The following DISC1 variants were observed in gnomAD, a reference collection of about 807,000 sequenced individuals.
The protein encoded by DISC1 is DISC1 scaffold protein, also known as disrupted in schizophrenia 1 protein.
DISC1 carries 57 observed loss-of-function variants against 84.5 expected under a neutral mutation model. The ratio of observed to expected loss-of-function variants is 0.67; its 90% CI spans 0.55 to 0.84. The LOEUF (loss-of-function observed/expected upper bound fraction) is 0.84, where lower values mean the gene tolerates loss of function less well. Ranked by LOEUF, DISC1 falls within the 40% of genes least tolerant of loss-of-function variation. The pLI is 0.00. For missense variants in DISC1, 1,000 were observed against 1,057.8 expected (o/e 0.95, Z 0.76); for synonymous variants, 411 against 415.2 (o/e 0.99, Z 0.12).
Position 231,801,835 on chromosome 1 carries a change from T to C in DISC1, c.1792+1625T>C, listed in dbSNP as rs931341663. Among the ~76,000 whole-genome samples, 14 of 152,078 alleles carry C rather than the reference T, an allele frequency of 9.2e-5. No homozygotes were observed. In the East Asian group the frequency reaches 2.3e-3, roughly 25 times the overall value. On this transcript the variant is annotated intron_variant, in intron 8 of 12. Transcript: ENST00000439617. ...AAAGGATCTTGGTTTTTTTTTTTTTTTGAGTCAGAGTCTCGTTCAGTCGCC... is the reference window on the plus strand; with the variant it reads ...AAAGGATCTTGGTTTTTTTTTTTTTCTGAGTCAGAGTCTCGTTCAGTCGCC...
intron 9 of DISC1, among the ~76,000 whole-genome samples, chr1:231,877,226 C>G (rs1042570967): frequency 3.9e-5 from 6 of 152,216 alleles, no homozygotes; most frequent in African/African-American, 1.4e-4. Flanking sequence ...CTGCAGAGAC[C>G]AACCTTGTAC....
Position 231,954,640 on chromosome 1 carries a change from A to G in DISC1, c.1982-4188A>G, listed in dbSNP as rs1043805545. 6.6e-6 allele frequency among the ~76,000 whole-genome samples: 1 copy of G among 152,048 alleles called. No individual in the cohort carries two copies. Among genetic ancestry groups the G allele is most frequent in the East Asian group, 1.9e-4 (1 of 5,198 alleles). ...CTTCTTGGAACCTTGCCTTACTACCATTGCCATTCTCATAGGTCCCTGCTC... is the reference window on the plus strand; with the variant it reads ...CTTCTTGGAACCTTGCCTTACTACCGTTGCCATTCTCATAGGTCCCTGCTC... On this transcript the variant is annotated intron_variant, in intron 9 of 12. Coordinates refer to ENST00000439617, the MANE Select transcript of DISC1 (RefSeq NM_018662.3). The surrounding 1 kb of genome is among the most constrained non-coding windows in gnomAD (Gnocchi z 4.8).
intron 10 of DISC1, among the ~76,000 whole-genome samples, chr1:232,001,140 G>A (rs1176350546): frequency 1.3e-5 from 2 of 152,030 alleles, no homozygotes; most frequent in African/African-American, 4.8e-5. Flanking sequence ...GTGCAGTGGC[G>A]TGATCTTGGT....
chr1:231,792,944 T>G (rs959579736), intron 6 of DISC1, among the ~76,000 whole-genome samples: 1 of 152,196 alleles, frequency 6.6e-6, no homozygotes, highest in South Asian at 2.1e-4. Context: ...CCCACCTCTG[T>G]CAAACCTCAC....
intron 10 of DISC1, among the ~76,000 whole-genome samples, chr1:231,969,592 TTCTTTC>T (rs1402647654): frequency 4.6e-5 from 1 of 21,926 alleles, no homozygotes; most frequent in African/African-American, 2.2e-4. Context: ...GTTTCTTTCT[TTCTTTC>T]TTTTTTTTTT....
At chr1:231,888,549 C>T (rs2086948553) in intron 9 of DISC1, among the ~76,000 whole-genome samples, 1 of 151,654 alleles carries the variant, frequency 6.6e-6, no homozygotes, top group South Asian at 2.1e-4. Context: ...TCCTGGCTAA[C>T]ACGGTGAAAC....
At chr1:231,719,195 C>T (rs1349171309) in intron 3 of DISC1, among the ~76,000 whole-genome samples, 2 of 152,186 alleles carry the variant, frequency 1.3e-5, no homozygotes, top group African/African-American at 4.8e-5. Flanking sequence ...TATCCTCATA[C>T]ATATTGTGTT....
intron 9 of DISC1, among the ~76,000 whole-genome samples, chr1:231,915,711 G>T (rs1393544788): frequency 6.6e-6 from 1 of 152,214 alleles, no homozygotes; most frequent in African/African-American, 2.4e-5. Context: ...CTGGGAGGTG[G>T]ATGTTGCAGT....
At chr1:231,898,306 G>C (rs1193526523) in intron 9 of DISC1, among the ~76,000 whole-genome samples, 1 of 152,146 alleles carries the variant, frequency 6.6e-6, no homozygotes, top group Non-Finnish European at 1.5e-5. Context: ...GCATATTCTT[G>C]TCACTGTTTT....
intron 8 of DISC1, among the ~76,000 whole-genome samples, chr1:231,801,708 T>C (rs562313563): frequency 6.6e-6 from 1 of 152,292 alleles, no homozygotes; most frequent in Admixed American, 6.5e-5. Context: ...TGTTTGCAAC[T>C]CCTGCATATA....
intron 9 of DISC1, among the ~76,000 whole-genome samples, chr1:231,916,100 T>C (rs1203532028): frequency 1.3e-5 from 2 of 152,202 alleles, no homozygotes; most frequent in African/African-American, 4.8e-5. Context: ...ACTAACTTCC[T>C]TTAAGAAAGT....
At chr1:231,728,730 C>T (rs9431985) in intron 3 of DISC1, among the ~76,000 whole-genome samples, 111,465 of 152,122 alleles carry the variant, frequency 0.73, 41,180 homozygotes, top group Middle Eastern at 0.83. Context: ...CGAAATTTTA[C>T]TTCTAAAATC....
chr1:231,844,903 G>A (rs893811082), intron 9 of DISC1, among the ~76,000 whole-genome samples: 3 of 149,612 alleles, frequency 2.0e-5, no homozygotes, highest in African/African-American at 7.4e-5. Context: ...CTCCAGCCTG[G>A]GCGACAGAGC....
chr1:231,874,916 C>CAAAAAAAA (rs747303966), intron 9 of DISC1, among the ~76,000 whole-genome samples: 1 of 54,396 alleles, frequency 1.8e-5, no homozygotes. Context: ...GACTCCGTCT[C>CAAAAAAAA]AAAAAAAAAA....
chr1:231,853,294 C>T (rs1254952704), intron 9 of DISC1, among the ~76,000 whole-genome samples: 3 of 152,156 alleles, frequency 2.0e-5, no homozygotes, highest in Admixed American at 6.5e-5. Flanking sequence ...AGAAATGCAT[C>T]GTTAGGCAAT....
intron 1 of DISC1, among the ~76,000 whole-genome samples, chr1:231,635,318 C>T (rs973867744): frequency 2.0e-5 from 3 of 151,856 alleles, no homozygotes; most frequent in African/African-American, 7.3e-5. Flanking sequence ...ACACTCTGGC[C>T]TTTTTATTAT....
chr1:231,990,708 A>G (rs202152604), intron 10 of DISC1, among the ~76,000 whole-genome samples: 1 of 152,132 alleles, frequency 6.6e-6, no homozygotes, highest in Non-Finnish European at 1.5e-5. Flanking sequence ...GGGTTTGGGC[A>G]CTGGAAATGA....
chr1:231,907,069 C>T (rs1260946624), intron 9 of DISC1, among the ~76,000 whole-genome samples: 2 of 101,528 alleles, frequency 2.0e-5, no homozygotes, highest in African/African-American at 3.7e-5. Flanking sequence ...TTCCTTCCTT[C>T]CCTCCCTCCC....
intron 9 of DISC1, among the ~76,000 whole-genome samples, chr1:231,930,831 A>G (rs1225050015): frequency 2.0e-5 from 3 of 152,066 alleles, no homozygotes; most frequent in Non-Finnish European, 2.9e-5. Context: ...TGGAGACTAG[A>G]TGTACAAGAT....
Sources: gnomAD v4.1 joint callset for allele counts (sites outside exome capture counted in the v4.1 genomes callset) on GRCh38, gnomAD v4.1.1 for gene constraint, Gnocchi (gnomAD v3.1) non-coding constraint, MANE v1.5 for transcripts, NCBI Gene and HGNC (gene_info 2026-07-23, HGNC 2026-07-21) for gene names.